The following NCKAP5L variants were observed in gnomAD, a reference collection of about 807,000 sequenced individuals.
The protein encoded by NCKAP5L is NCK associated protein 5 like.
NCKAP5L carries 54 observed loss-of-function variants against 103.2 expected under a neutral mutation model. The ratio of observed to expected loss-of-function variants is 0.52; its 90% confidence interval spans 0.42 to 0.66. The LOEUF is 0.66. Among genes scored for constraint, NCKAP5L ranks in the 30% least tolerant of loss-of-function variants. The pLI, the probability that NCKAP5L is intolerant of heterozygous loss-of-function variation, is 0.00. For synonymous variants in NCKAP5L, 762 were observed against 748.6 expected (o/e 1.02, Z -0.29); for missense variants, 1,733 against 1,750.6 (o/e 0.99, Z 0.18).
At chr12:49,819,293 C>T (rs113468108) in intron 1 of NCKAP5L, among the ~76,000 whole-genome samples, 39,392 of 148,622 alleles carry the variant, frequency 0.27, 5,829 homozygotes, top group South Asian at 0.38. Context: ...GCCTGGGCAA[C>T]GGTGCAAGAC....
In NCKAP5L at chr12:49,795,378, G is replaced by A. The variant is rs780130699; in HGVS notation, c.2482C>T (p.Pro828Ser). Residue 828 changes from proline to serine, a missense_variant, in exon 8 of 13, where the codon CCT becomes TCT. Pro to Ser is a moderately conservative substitution (Grantham distance 74). Coordinates refer to ENST00000335999, the MANE Select transcript of NCKAP5L (RefSeq NM_001037806.4). The stretch of plus-strand genomic sequence containing the variant: ...GTGACTAGCGGAGCCCCAGGTCGAG[G>A]CACCACCTTGGTTGGTGACTTGGAA... ...LPSKSPTKVV[P>S]RPGAPLVTKE... is the part of the protein sequence containing the mutation. 5 of 1,563,616 alleles carry A rather than the reference G, an allele frequency of 3.2e-6. No individual in the cohort carries two copies. In the Admixed American group the frequency reaches 1.0e-4, roughly 31 times the overall value.
chr12:49,827,280 C>T (rs1946428297), intron 1 of NCKAP5L, among the ~76,000 whole-genome samples: 1 of 151,988 alleles, frequency 6.6e-6, no homozygotes, highest in African/African-American at 2.4e-5. Context: ...ATGACAGACG[C>T]GGAGAAGTGG....
At chr12:49,824,612 CGGA>C (rs1032620131) in intron 1 of NCKAP5L, among the ~76,000 whole-genome samples, 1 of 152,198 alleles carries the variant, frequency 6.6e-6, no homozygotes, top group Non-Finnish European at 1.5e-5. Context: ...ACTGTGTCCC[CGGA>C]GGGAACCAGT....
intron 3 of NCKAP5L, 132 bp from the exon 4 acceptor site, chr12:49,803,297 G>T: frequency 1.2e-6 from 1 of 825,278 alleles, no homozygotes; most frequent in Non-Finnish European, 1.9e-6. Context: ...GCTCTTGGCT[G>T]TGAGCAGATT....
At chr12:49,822,031 G>A (rs890633166) in intron 1 of NCKAP5L, among the ~76,000 whole-genome samples, 14 of 152,152 alleles carry the variant, frequency 9.2e-5, no homozygotes, top group Admixed American at 5.2e-4. Flanking sequence ...GCGGCGGGGC[G>A]GTGGTGCTGT....
intron 1 of NCKAP5L, among the ~76,000 whole-genome samples, chr12:49,812,300 T>C (rs1391770976): frequency 6.6e-6 from 1 of 152,204 alleles, no homozygotes; most frequent in Non-Finnish European, 1.5e-5. Flanking sequence ...CTTTTACGAC[T>C]GGCTTCTTTC....
In NCKAP5L at chr12:49,802,850, G is replaced by A. The variant is rs1439699632; in HGVS notation, c.231+108C>T. On this transcript the variant is annotated intron_variant, in intron 5 of 12. Transcript: ENST00000335999. ...ATGGACCCGCCCAAGGCGGAAAGACGGGGAATCACTGGAGGGCAACAGCCC... is the reference window on the plus strand; with the variant it reads ...ATGGACCCGCCCAAGGCGGAAAGACAGGGAATCACTGGAGGGCAACAGCCC... 43 of 1,323,708 alleles carry A rather than the reference G, an allele frequency of 3.2e-5. 1 individual carries two copies. Among genetic ancestry groups the A allele is most frequent in the Admixed American group, 8.7e-5 (4 of 45,782 alleles). 82.0% of individuals were successfully genotyped at this position (1,323,708 alleles called of 1,614,324 possible).
At chr12:49,804,627 T>C (rs1946159504) in intron 2 of NCKAP5L, 1 of 152,232 alleles carries the variant, frequency 6.6e-6, no homozygotes, top group Non-Finnish European at 1.5e-5. Flanking sequence ...ACCCTGGCTT[T>C]GCGGCCAAAA....
chr12:49,810,218 G>A (rs1219550230), intron 1 of NCKAP5L, among the ~76,000 whole-genome samples: 2 of 151,954 alleles, frequency 1.3e-5, no homozygotes, highest in African/African-American at 2.4e-5. Flanking sequence ...AAGGGGTGCC[G>A]ACACAATGGG....
chr12:49,801,747 G>A (rs1161754447), intron 6 of NCKAP5L, 101 bp downstream of exon 6: 2 of 1,428,714 alleles, frequency 1.4e-6, no homozygotes, highest in East Asian at 2.4e-5. Flanking sequence ...ACAGCTGATG[G>A]CCTGCTTCCC....
At chr12:49,798,234 T>G in intron 7 of NCKAP5L, 116 bp downstream of exon 7, 1 of 954,454 alleles carries the variant, frequency 1.0e-6, no homozygotes. Context: ...TTTTTGGCAT[T>G]CGGCTGCTCA....
Position 49,791,784 on chromosome 12 carries a change from G to A in NCKAP5L, c.*55C>T. On this transcript the variant is annotated 3_prime_UTR_variant, in exon 13 of 13. Coordinates refer to ENST00000335999, the MANE Select transcript of NCKAP5L (RefSeq NM_001037806.4). ...TCTCCGGGGGCTGGGCATGAAGAGAGCCGGTCCAGTCTGTGGTCCCCAGCT... is the reference window on the plus strand; with the variant it reads ...TCTCCGGGGGCTGGGCATGAAGAGAACCGGTCCAGTCTGTGGTCCCCAGCT... The A allele has an allele frequency of 6.9e-7, 1 of 1,441,994 alleles. No homozygotes were observed. The highest frequency in any genetic ancestry group is 2.4e-5 in the Admixed American group (1 of 41,576). 89.3% of individuals were successfully genotyped at this position (1,441,994 alleles called of 1,614,324 possible). A position where few individuals can be genotyped will look rare whatever the true frequency, so the allele number is the denominator to read the frequency against.
In NCKAP5L at chr12:49,796,601, C is replaced by T. The variant is rs775598664; in HGVS notation, c.1259G>A (p.Arg420Gln). 1.9e-6 allele frequency: 3 copies of T among 1,601,796 alleles called. No individual in the cohort carries two copies. The highest frequency in any genetic ancestry group is 2.7e-5 in the African/African-American group (2 of 74,552). The change falls in exon 8 of 13, where the codon CGG becomes CAG. Residue 420 changes from arginine (R) to glutamine (Q), a missense_variant. Transcript: ENST00000335999. ...MGAGDAPLGS[R>Q]PGHPHSSSQV... is the part of the protein sequence containing the mutation. ...AGATGAGGAATGGGGGTGGCCAGGC[C>T]GAGAGCCCAGTGGGGCATCCCCAGC...
chr12:49,799,869 A>T (rs1946099595), intron 6 of NCKAP5L, among the ~76,000 whole-genome samples: 1 of 152,090 alleles, frequency 6.6e-6, no homozygotes, highest in South Asian at 2.1e-4. Context: ...TTCCACAGGG[A>T]TCCCTCTGCC....
At chr12:49,813,294 T>G (rs1946261460) in intron 1 of NCKAP5L, among the ~76,000 whole-genome samples, 1 of 152,200 alleles carries the variant, frequency 6.6e-6, no homozygotes, top group South Asian at 2.1e-4. Flanking sequence ...AATTTCTCCA[T>G]ACCGTCACCA....
chr12:49,811,922 C>CTGAGTGG (rs1946244385), intron 1 of NCKAP5L, among the ~76,000 whole-genome samples: 1 of 152,182 alleles, frequency 6.6e-6, no homozygotes, highest in Non-Finnish European at 1.5e-5. Context: ...TTCCCTTAAC[C>CTGAGTGG]TGGTCCGACT....
rs1422584328 is a variant in NCKAP5L, at chr12:49,792,226, A to G, written c.3793-175T>C. 2.7e-6 allele frequency: 3 copies of G among 1,106,088 alleles called. No homozygotes were observed. The highest frequency in any genetic ancestry group is 2.0e-5 in the Admixed American group (1 of 50,172). 68.5% of individuals were successfully genotyped at this position (1,106,088 alleles called of 1,614,324 possible). A position where few individuals can be genotyped will look rare whatever the true frequency, so the allele number is the denominator to read the frequency against. On this transcript the variant is annotated intron_variant, in intron 12 of 12. Coordinates refer to ENST00000335999, the MANE Select transcript of NCKAP5L (RefSeq NM_001037806.4). This position sits in a 1 kb window ranked among gnomAD's most constrained non-coding sequence, Gnocchi z 4.5. ...TGGAGGTACAACTGAGAACAGTCCTACAAGGTTCTGGGGAGGGACAGAAAC... is the reference window on the plus strand; with the variant it reads ...TGGAGGTACAACTGAGAACAGTCCTGCAAGGTTCTGGGGAGGGACAGAAAC...
intron 1 of NCKAP5L, among the ~76,000 whole-genome samples, chr12:49,811,267 G>C (rs1487393444): frequency 6.6e-6 from 1 of 152,158 alleles, no homozygotes; most frequent in Non-Finnish European, 1.5e-5. Context: ...TGTCAGTCCA[G>C]CCTGGCAATC....
At position 49,803,822 on chromosome 12, in the gene NCKAP5L, A is replaced by G; in HGVS notation, c.123+100T>C. The G allele has an allele frequency of 4.1e-6, 6 of 1,470,190 alleles. No individual in the cohort carries two copies. In the South Asian group the frequency reaches 6.6e-5, roughly 16 times the overall value. The allele number at this position is 1,470,190 out of a possible 1,614,324, so 91.1% of individuals were successfully genotyped here. A position where few individuals can be genotyped will look rare whatever the true frequency, so the allele number is the denominator to read the frequency against. On this transcript the variant is annotated intron_variant, in intron 3 of 12. Transcript: ENST00000335999. ...GCAAAGCAGGCCGAGAGGAAGGCCC[A>G]TGGCACCCAAAAACCTGCAGGAAGC...
Sources: gnomAD v4.1 joint callset for allele counts (sites outside exome capture counted in the v4.1 genomes callset) on GRCh38, gnomAD v4.1.1 for gene constraint, Gnocchi (gnomAD v3.1) non-coding constraint, MANE v1.5 for transcripts, NCBI Gene and HGNC (gene_info 2026-07-23, HGNC 2026-07-21) for gene names.